Variants in EYA2 observed in about 807,000 individuals in gnomAD.
The protein encoded by EYA2 is protein phosphatase EYA2.
Under a neutral mutation model 69.2 loss-of-function variants are expected in EYA2, and 31 were observed. The observed-to-expected ratio is 0.45, with a 90% CI of 0.34 to 0.60. EYA2 has a LOEUF of 0.60. EYA2 is among the 20% of genes least tolerant of loss of function. EYA2 has a pLI of 0.02. For missense variants in EYA2, 622 were observed against 701.2 expected (o/e 0.89, Z 1.28); for synonymous variants, 257 against 279.4 (o/e 0.92, Z 0.80).
intron 9 of EYA2, among the ~76,000 whole-genome samples, chr20:47,126,579 G>T (rs917629020): frequency 1.8e-4 from 28 of 151,958 alleles, no homozygotes; most frequent in African/African-American, 5.8e-4. Context: ...ACTTAGGTTT[G>T]TTTTTTTTCA....
intron 13 of EYA2, among the ~76,000 whole-genome samples, chr20:47,180,527 C>T (rs1332927235): frequency 6.6e-6 from 1 of 152,198 alleles, no homozygotes; most frequent in Non-Finnish European, 1.5e-5. Context: ...TGTTCCATAT[C>T]ACTCATTTAC....
At chr20:47,184,701 G>A (rs1438341489) in intron 15 of EYA2, among the ~76,000 whole-genome samples, 1 of 152,104 alleles carries the variant, frequency 6.6e-6, no homozygotes, top group East Asian at 1.9e-4. Flanking sequence ...GGGATTAGAG[G>A]CATGTGCCCG....
chr20:47,016,339 A>AC (rs1983410880), intron 5 of EYA2, 42 bp downstream of exon 5: 2 of 1,492,954 alleles, frequency 1.3e-6, no homozygotes, highest in Non-Finnish European at 1.9e-6. Flanking sequence ...ATCTCTAAGG[A>AC]CCACCTAAGT....
At position 46,936,854 on chromosome 20, in the gene EYA2, T is replaced by C. The variant is rs370549432; in HGVS notation, c.-11+41867T>C. On this transcript the variant is annotated intron_variant, in intron 1 of 15. Transcript: ENST00000327619. ...TTTTGCGATTCGGGGATTTCTTTTC[T>C]GCCTCATGCCTGGAATAATTTGTGG... 9.2e-5 allele frequency among the ~76,000 whole-genome samples: 14 copies of C among 152,274 alleles called. 1 individual carries two copies. The East Asian group carries it at 2.3e-3, about 25-fold the overall frequency.
At chr20:47,163,698 C>CAAA (rs11471495) in intron 10 of EYA2, among the ~76,000 whole-genome samples, 136 of 85,366 alleles carry the variant, frequency 1.6e-3, no homozygotes, top group African/African-American at 2.3e-3. Context: ...AACACTGTCT[C>CAAA]AAAAAAAAAA....
chr20:46,944,341 C>T (rs181655301), intron 1 of EYA2, among the ~76,000 whole-genome samples: 2 of 152,258 alleles, frequency 1.3e-5, no homozygotes, highest in Admixed American at 6.5e-5. Context: ...GACTCCAGGG[C>T]GGGTTCGTAA....
At chr20:47,108,083 C>T (rs1186952537) in intron 9 of EYA2, among the ~76,000 whole-genome samples, 1 of 152,128 alleles carries the variant, frequency 6.6e-6, no homozygotes, top group Non-Finnish European at 1.5e-5. Context: ...TAAGTTGGAG[C>T]TGGTAGAGAT....
intron 1 of EYA2, among the ~76,000 whole-genome samples, chr20:46,929,331 G>A (rs1226578811): frequency 6.6e-6 from 1 of 151,888 alleles, no homozygotes; most frequent in Admixed American, 6.6e-5. Flanking sequence ...TCTTGAGGCT[G>A]GAGGGAGCAC....
chr20:47,070,882 C>T (rs1021752400), intron 5 of EYA2, among the ~76,000 whole-genome samples: 2 of 152,082 alleles, frequency 1.3e-5, no homozygotes, highest in Non-Finnish European at 2.9e-5. Flanking sequence ...AGGGTCTTGC[C>T]GTGTTGCGCA....
intron 5 of EYA2, among the ~76,000 whole-genome samples, chr20:47,043,894 A>G (rs1474258257): frequency 1.3e-5 from 2 of 152,178 alleles, no homozygotes; most frequent in East Asian, 3.8e-4. Context: ...TTAGTGATCA[A>G]GAGGATATTG....
In EYA2 at chr20:46,966,671, A is replaced by T. The variant is rs561483963; in HGVS notation, c.-10-23330A>T. The stretch of plus-strand genomic sequence containing the variant: ...AAAATACAAAAAAAATTAGCCGGGC[A>T]TGGTGGTGGGTGCCTGTAGTCCCAG... On this transcript the variant is annotated intron_variant, in intron 1 of 15. Transcript: ENST00000327619. Among the ~76,000 whole-genome samples the T allele has an allele frequency of 1.1e-3, 163 of 152,182 alleles. 1 individual carries two copies. Among genetic ancestry groups the T allele is most frequent in the African/African-American group, 3.7e-3 (154 of 41,544 alleles).
At chr20:47,005,352 G>A (rs764209454) in intron 4 of EYA2, among the ~76,000 whole-genome samples, 2 of 152,222 alleles carry the variant, frequency 1.3e-5, no homozygotes, top group Admixed American at 6.5e-5. Flanking sequence ...CGAGAGATCT[G>A]TGGATACAGC....
intron 9 of EYA2, among the ~76,000 whole-genome samples, chr20:47,113,060 T>TG (rs1265417092): frequency 2.0e-5 from 3 of 151,550 alleles, no homozygotes; most frequent in Admixed American, 2.0e-4. Flanking sequence ...TTAGTAGAGG[T>TG]GGGGGTTTCA....
intron 1 of EYA2, among the ~76,000 whole-genome samples, chr20:46,986,354 C>T (rs1372564207): frequency 3.0e-5 from 1 of 33,264 alleles, no homozygotes; most frequent in Non-Finnish European, 1.1e-4. Flanking sequence ...TATATATACA[C>T]ATTAGATATA....
chr20:47,091,801 C>T (rs528959375), intron 8 of EYA2, among the ~76,000 whole-genome samples: 24 of 152,200 alleles, frequency 1.6e-4, no homozygotes, highest in African/African-American at 5.5e-4. Flanking sequence ...TAGGAAAGGA[C>T]AATGAGAGGA....
intron 1 of EYA2, chr20:46,978,663 C>G (rs755613377): frequency 5.6e-6 from 3 of 534,712 alleles, no homozygotes; most frequent in Non-Finnish European, 1.2e-5. Flanking sequence ...CAGATTTATG[C>G]TGTCATTTGC....
At chr20:47,073,495 G>T (rs964079178) in intron 6 of EYA2, among the ~76,000 whole-genome samples, 3 of 132,810 alleles carry the variant, frequency 2.3e-5, no homozygotes, top group Admixed American at 7.2e-5. Context: ...TGTGTGTCGT[G>T]GGGGGGGGGT....
intron 9 of EYA2, among the ~76,000 whole-genome samples, chr20:47,126,601 T>C (rs1201108689): frequency 1.3e-5 from 2 of 152,198 alleles, no homozygotes; most frequent in Admixed American, 1.3e-4. Context: ...TTAGTTCATC[T>C]CTTAGTTAGA....
chr20:46,992,430 A>G (rs909328735), intron 2 of EYA2, among the ~76,000 whole-genome samples: 11 of 152,198 alleles, frequency 7.2e-5, no homozygotes, highest in Non-Finnish European at 1.5e-4. Context: ...TAATTATTAT[A>G]CAACTGGTAG....
Sources: gnomAD v4.1 joint callset for allele counts (sites outside exome capture counted in the v4.1 genomes callset) on GRCh38, gnomAD v4.1.1 for gene constraint, MANE v1.5 for transcripts, NCBI Gene and HGNC (gene_info 2026-07-23, HGNC 2026-07-21) for gene names.